RPS6KC1: variants seen among roughly 807,000 people sequenced by gnomAD.
The protein encoded by RPS6KC1 is inactive ribosomal protein S6 kinase delta-1.
RPS6KC1 carries 54 observed loss-of-function variants against 103.8 expected under a neutral mutation model. The ratio of observed to expected loss-of-function variants is 0.52; its 90% CI spans 0.42 to 0.65. RPS6KC1 has a LOEUF of 0.65. Among genes scored for constraint, RPS6KC1 ranks in the 30% least tolerant of loss-of-function variants. The pLI, the probability that RPS6KC1 is intolerant of heterozygous loss-of-function variation, is 0.00. For synonymous variants in RPS6KC1, 439 were observed against 438.7 expected, an observed-to-expected ratio of 1.00 and a Z score of -0.01; for missense variants, 1,151 against 1,253.8, an observed-to-expected ratio of 0.92 and a Z score of 1.24.
chr1:213,450,581 G>C, the RPS6KC1 span, among the ~76,000 whole-genome samples: 1 of 152,140 alleles, frequency 6.6e-6, no homozygotes, highest in Admixed American at 6.5e-5. Flanking sequence ...GTTCCTCTTA[G>C]AGTAAGTGCT....
chr1:213,563,405 T>C, the RPS6KC1 span, among the ~76,000 whole-genome samples: 1 of 152,114 alleles, frequency 6.6e-6, no homozygotes, highest in South Asian at 2.1e-4. Context: ...AATAAGAAAA[T>C]CTCTGTCTTT....
chr1:213,423,006 A>G, the RPS6KC1 span, among the ~76,000 whole-genome samples: 1 of 152,236 alleles, frequency 6.6e-6, no homozygotes, highest in African/African-American at 2.4e-5. Context: ...CTGGAGTTTC[A>G]CTAGCAAGGC....
the RPS6KC1 span, among the ~76,000 whole-genome samples, chr1:213,709,100 G>A: frequency 2.3e-3 from 357 of 152,200 alleles, 1 homozygote; most frequent in African/African-American, 8.2e-3. Context: ...TTTTTCTATT[G>A]TTTTGAATAG....
At chr1:213,860,405 C>CA in the RPS6KC1 span, among the ~76,000 whole-genome samples, 43,775 of 145,470 alleles carry the variant, frequency 0.3, 6,964 homozygotes, top group East Asian at 0.5. Flanking sequence ...GTAAGAGAAA[C>CA]AAAAAAAAAA....
At chr1:213,568,216 G>A in the RPS6KC1 span, among the ~76,000 whole-genome samples, 1 of 152,216 alleles carries the variant, frequency 6.6e-6, no homozygotes, top group East Asian at 1.9e-4. Flanking sequence ...GGTTTGCCTA[G>A]GATAAGGTAT....
At chr1:213,152,252 G>A (rs541865021) in intron 6 of RPS6KC1, among the ~76,000 whole-genome samples, 5 of 143,052 alleles carry the variant, frequency 3.5e-5, no homozygotes, top group Admixed American at 6.8e-5. Context: ...CCTCCCTCCC[G>A]GACGGGGCGG....
chr1:213,526,978 G>A, the RPS6KC1 span, among the ~76,000 whole-genome samples: 4 of 152,078 alleles, frequency 2.6e-5, no homozygotes, highest in African/African-American at 9.7e-5. Context: ...CAATTCATTG[G>A]ATGGCTTAAT....
the RPS6KC1 span, among the ~76,000 whole-genome samples, chr1:213,806,167 C>T: frequency 1.3e-5 from 2 of 152,014 alleles, no homozygotes; most frequent in Non-Finnish European, 2.9e-5. Flanking sequence ...CCTGTCTCTA[C>T]TAAAAATACG....
chr1:213,094,612 A>G (rs1427023116), intron 3 of RPS6KC1, among the ~76,000 whole-genome samples: 1 of 152,126 alleles, frequency 6.6e-6, no homozygotes, highest in Non-Finnish European at 1.5e-5. Context: ...ACTTCCTGTG[A>G]GAGAGAGACA....
chr1:213,838,853 T>G, the RPS6KC1 span, among the ~76,000 whole-genome samples: 1 of 152,210 alleles, frequency 6.6e-6, no homozygotes, highest in Non-Finnish European at 1.5e-5. Context: ...TAGAGAGAAA[T>G]TAATTCTTCT....
At chr1:213,481,793 T>C in the RPS6KC1 span, among the ~76,000 whole-genome samples, 1 of 152,246 alleles carries the variant, frequency 6.6e-6, no homozygotes, top group Non-Finnish European at 1.5e-5. Context: ...TTATAAATTA[T>C]ATTTACCAGT....
the RPS6KC1 span, among the ~76,000 whole-genome samples, chr1:213,289,449 G>C: frequency 2.0e-5 from 3 of 152,116 alleles, no homozygotes; most frequent in African/African-American, 4.8e-5. Flanking sequence ...GGCATGAAAA[G>C]CAGCAAGTGA....
chr1:213,452,907 C>T, the RPS6KC1 span, among the ~76,000 whole-genome samples: 1 of 152,320 alleles, frequency 6.6e-6, no homozygotes, highest in African/African-American at 2.4e-5. Context: ...ACAGATTTAC[C>T]TGGCTGGTTC....
chr1:213,828,295 C>T, the RPS6KC1 span, among the ~76,000 whole-genome samples: 1 of 152,200 alleles, frequency 6.6e-6, no homozygotes, highest in Non-Finnish European at 1.5e-5. Context: ...CTTCTCCCCA[C>T]AGTGCCACAT....
the RPS6KC1 span, among the ~76,000 whole-genome samples, chr1:213,363,691 TTTCTTTCTTTC>T: frequency 3.9e-4 from 28 of 72,690 alleles, 1 homozygote; most frequent in Middle Eastern, 6.0e-3. Context: ...TCTTTCTTTC[TTTCTTTCTTTC>T]CTTCTTTCTT....
chr1:213,288,430 G>C, the RPS6KC1 span, among the ~76,000 whole-genome samples: 18 of 152,214 alleles, frequency 1.2e-4, no homozygotes, highest in African/African-American at 4.3e-4. Flanking sequence ...AATGGTTTCT[G>C]ATCTTAAGTA....
At chr1:213,650,595 A>G in the RPS6KC1 span, among the ~76,000 whole-genome samples, 1 of 152,034 alleles carries the variant, frequency 6.6e-6, no homozygotes, top group African/African-American at 2.4e-5. Flanking sequence ...TTTTTCTTTT[A>G]CCAGCTACAG....
chr1:213,137,797 ATATTTTTTTTTTTT>A (rs1232056525), intron 6 of RPS6KC1, among the ~76,000 whole-genome samples: 5 of 33,050 alleles, frequency 1.5e-4, no homozygotes, highest in African/African-American at 4.3e-4. Flanking sequence ...ATATATATAT[ATATTTTTTTTTTTT>A]TTTTTTTTTT....
the RPS6KC1 span, among the ~76,000 whole-genome samples, chr1:213,408,799 A>T: frequency 6.6e-6 from 1 of 152,212 alleles, no homozygotes; most frequent in East Asian, 1.9e-4. Context: ...CAATAACCAC[A>T]TTTATGGAGC....
Sources: gnomAD v4.1 joint callset for allele counts (sites outside exome capture counted in the v4.1 genomes callset) on GRCh38, gnomAD v4.1.1 for gene constraint, MANE v1.5 for transcripts, NCBI Gene and HGNC (gene_info 2026-07-23, HGNC 2026-07-21) for gene names.